Variants in CNTNAP4 observed in about 807,000 individuals in gnomAD.
The protein encoded by CNTNAP4 is contactin-associated protein-like 4.
A neutral mutation model predicts 148.4 loss-of-function variants in CNTNAP4; 98 were observed. That is an observed-to-expected ratio of 0.66 (90% CI 0.56 to 0.78). The LOEUF (loss-of-function observed/expected upper bound fraction) is 0.78, where lower values mean the gene tolerates loss of function less well. CNTNAP4 is among the 30% of genes least tolerant of loss of function. The pLI is 0.00. For synonymous variants in CNTNAP4, 730 were observed against 565.1 expected (o/e 1.29, Z -4.14); for missense variants, 1,935 against 1,565.6 (o/e 1.24, Z -3.98).
intron 2 of CNTNAP4, among the ~76,000 whole-genome samples, chr16:76,341,189 A>C (rs191339986): frequency 1.3e-4 from 20 of 152,124 alleles, no homozygotes; most frequent in Non-Finnish European, 2.8e-4. Context: ...ATCTTCCTCA[A>C]CTTTTTCATT....
At chr16:76,372,428 G>A (rs1288528297) in intron 3 of CNTNAP4, among the ~76,000 whole-genome samples, 4 of 151,828 alleles carry the variant, frequency 2.6e-5, no homozygotes, top group African/African-American at 7.3e-5. Flanking sequence ...GATTACAGGC[G>A]TGGGCCACCG....
chr16:76,516,572 A>C (rs544752563), intron 15 of CNTNAP4, among the ~76,000 whole-genome samples: 20 of 152,322 alleles, frequency 1.3e-4, no homozygotes, highest in African/African-American at 4.1e-4. Flanking sequence ...TTCCCCAGGG[A>C]ACTGGCAACT....
At chr16:76,351,635 C>A (rs1231381752) in intron 2 of CNTNAP4, among the ~76,000 whole-genome samples, 1 of 152,154 alleles carries the variant, frequency 6.6e-6, no homozygotes, top group Non-Finnish European at 1.5e-5. Context: ...TATCAGTGTA[C>A]CTCATTAATG....
chr16:76,475,909 A>G (rs1295280995), intron 10 of CNTNAP4, 30 bp from the exon 11 acceptor site: 2 of 1,508,192 alleles, frequency 1.3e-6, no homozygotes, highest in Admixed American at 3.4e-5. Context: ...AAAAATGGAA[A>G]CTGGTGATTG....
At chr16:76,434,961 C>G (rs1276621645) in intron 4 of CNTNAP4, among the ~76,000 whole-genome samples, 3 of 152,164 alleles carry the variant, frequency 2.0e-5, no homozygotes, top group African/African-American at 7.2e-5. Context: ...CCCCTAAAAT[C>G]AGCGTCAACT....
intron 2 of CNTNAP4, among the ~76,000 whole-genome samples, chr16:76,331,643 T>C (rs991780892): frequency 2.0e-5 from 3 of 152,190 alleles, no homozygotes; most frequent in African/African-American, 7.2e-5. Context: ...CTCTCCTCTT[T>C]TGTATGATTT....
chr16:76,497,004 TTAGAA>T (rs1226898636), intron 14 of CNTNAP4, among the ~76,000 whole-genome samples: 1 of 152,148 alleles, frequency 6.6e-6, no homozygotes, highest in African/African-American at 2.4e-5. Flanking sequence ...AAGGTAAATT[TTAGAA>T]TAGAAAAGAG....
intron 4 of CNTNAP4, among the ~76,000 whole-genome samples, chr16:76,438,279 C>T (rs1506817): frequency 0.64 from 97,119 of 151,964 alleles, 32,446 homozygotes; most frequent in African/African-American, 0.84. Flanking sequence ...GGTGAAATGC[C>T]AAGCAGCCCT....
chr16:76,485,734 G>T (rs2082004215), intron 12 of CNTNAP4, among the ~76,000 whole-genome samples: 1 of 152,156 alleles, frequency 6.6e-6, no homozygotes, highest in African/African-American at 2.4e-5. Flanking sequence ...AAGCTGGAGA[G>T]CATAAGACTT....
chr16:76,288,419 T>C (rs1390486341), intron 1 of CNTNAP4, among the ~76,000 whole-genome samples: 1 of 152,170 alleles, frequency 6.6e-6, no homozygotes, highest in Non-Finnish European at 1.5e-5. Context: ...CTACTCTTCA[T>C]TTCTTGGCCT....
At chr16:76,439,614 A>T (rs2079960911) in intron 4 of CNTNAP4, among the ~76,000 whole-genome samples, 1 of 152,160 alleles carries the variant, frequency 6.6e-6, no homozygotes. Flanking sequence ...TAAAAGATTA[A>T]TTTACATTGA....
At chr16:76,459,553 A>C (rs549256157) in intron 8 of CNTNAP4, among the ~76,000 whole-genome samples, 2 of 152,306 alleles carry the variant, frequency 1.3e-5, no homozygotes, top group East Asian at 3.9e-4. Context: ...CACCTAAGGG[A>C]GTTTTGATGC....
chr16:76,308,642 A>G (rs1029900255), intron 1 of CNTNAP4, among the ~76,000 whole-genome samples: 1 of 152,138 alleles, frequency 6.6e-6, no homozygotes, highest in African/African-American at 2.4e-5. Context: ...ACAGAAATTA[A>G]TTTGCAGCTC....
chr16:76,500,952 G>A (rs991326189), intron 15 of CNTNAP4, among the ~76,000 whole-genome samples: 6 of 152,004 alleles, frequency 3.9e-5, no homozygotes, highest in African/African-American at 1.2e-4. Flanking sequence ...TTAACACCAC[G>A]CCTTAAAATA....
chr16:76,428,594 A>T (rs1238760514), intron 4 of CNTNAP4, among the ~76,000 whole-genome samples: 2 of 152,104 alleles, frequency 1.3e-5, no homozygotes, highest in Non-Finnish European at 2.9e-5. Flanking sequence ...ACTCTATCCG[A>T]CAGAGAGATC....
intron 3 of CNTNAP4, among the ~76,000 whole-genome samples, chr16:76,371,390 A>C: frequency 6.7e-6 from 1 of 150,144 alleles, no homozygotes; most frequent in African/African-American, 2.5e-5. Context: ...GATTCAAGCG[A>C]CTCTCCTGCC....
intron 12 of CNTNAP4, among the ~76,000 whole-genome samples, chr16:76,486,939 A>G (rs544655219): frequency 1.6e-4 from 24 of 152,312 alleles, no homozygotes; most frequent in Non-Finnish European, 2.5e-4. Flanking sequence ...TAGATTCTCT[A>G]TGAGCGAATG....
intron 1 of CNTNAP4, 112 bp downstream of exon 1, chr16:76,277,859 T>A (rs1181925398): frequency 9.8e-6 from 7 of 716,800 alleles, no homozygotes; most frequent in Non-Finnish European, 1.7e-5. Context: ...AGCGTATTGC[T>A]GTAAACCAAG....
chr16:76,400,347 TATATA>T (rs1287339728), intron 3 of CNTNAP4, among the ~76,000 whole-genome samples: 3 of 152,228 alleles, frequency 2.0e-5, no homozygotes, highest in East Asian at 1.9e-4. Context: ...AAATTTGAAA[TATATA>T]ATATATTGCA....
Sources: gnomAD v4.1 joint callset for allele counts (sites outside exome capture counted in the v4.1 genomes callset) on GRCh38, gnomAD v4.1.1 for gene constraint, MANE v1.5 for transcripts, NCBI Gene and HGNC (gene_info 2026-07-23, HGNC 2026-07-21) for gene names.